The following EPB41L2 variants were observed in gnomAD, a reference collection of about 807,000 sequenced individuals.
EPB41L2 encodes the protein erythrocyte membrane protein band 4.1 like 2.
In EPB41L2, 43 loss-of-function variants were observed where a neutral mutation model predicts 113.0. The observed-to-expected ratio is 0.38, with a 90% confidence interval of 0.30 to 0.49. The LOEUF is 0.49. Among genes scored for constraint, EPB41L2 ranks in the 20% least tolerant of loss-of-function variants. The pLI is 0.95. For synonymous variants in EPB41L2, 442 were observed against 436.7 expected, an observed-to-expected ratio of 1.01 and a Z score of -0.15; for missense variants, 1,147 against 1,223.4, an observed-to-expected ratio of 0.94 and a Z score of 0.93.
chr6:131,055,365 A>G (rs1797395734), intron 1 of EPB41L2, among the ~76,000 whole-genome samples: 1 of 152,212 alleles, frequency 6.6e-6, no homozygotes, highest in Admixed American at 6.5e-5. Context: ...ATATTGAAAA[A>G]TCAGGCTAGA....
intron 6 of EPB41L2, 60 bp downstream of exon 6, chr6:130,904,405 G>C: frequency 8.3e-7 from 1 of 1,207,530 alleles, no homozygotes; most frequent in South Asian, 1.5e-5. Context: ...TGCTCCCAGG[G>C]CACAAAAATA....
chr6:130,878,189 C>T lies in EPB41L2; in HGVS notation c.1958G>A (p.Arg653His), dbSNP rs370238340. ...KHQASISELKRNFMESTPEPR... is the reference protein window; with the variant it reads ...KHQASISELKHNFMESTPEPR... The stretch of plus-strand genomic sequence containing the variant: ...CTCAGGTGTGGATTCCATAAAATTG[C>T]GCTTGAGTTCACTAATGCTAGCCTG... Residue 653 changes from arginine to histidine, a missense_variant, in exon 14 of 20, where the codon CGC (arginine) becomes CAC (histidine). Coordinates refer to ENST00000337057, the MANE Select transcript of EPB41L2 (RefSeq NM_001431.4). 4.7e-5 allele frequency: 76 copies of T among 1,613,070 alleles called. No homozygotes were observed. Among genetic ancestry groups the T allele is most frequent in the Middle Eastern group, 1.6e-4 (1 of 6,082 alleles).
chr6:130,986,005 A>AT (rs1780461076), intron 1 of EPB41L2, among the ~76,000 whole-genome samples: 1 of 152,186 alleles, frequency 6.6e-6, no homozygotes, highest in African/African-American at 2.4e-5. Context: ...GCCAAAAAAA[A>AT]CCACCACAAG....
chr6:130,953,665 A>G (rs931717264), intron 3 of EPB41L2, among the ~76,000 whole-genome samples: 1 of 131,990 alleles, frequency 7.6e-6, no homozygotes, highest in Non-Finnish European at 1.6e-5. Context: ...TTAAAGTATT[A>G]AAAAAAAAAC....
intron 3 of EPB41L2, among the ~76,000 whole-genome samples, chr6:130,929,857 T>TCACACACACACA (rs140350248): frequency 0.022 from 2,688 of 123,350 alleles, 65 homozygotes; most frequent in African/African-American, 0.04. Context: ...AGACAGACAG[T>TCACACACACACA]CACACACACA....
At chr6:130,880,256 G>C (rs1337230263) in intron 12 of EPB41L2, 50 bp from the exon 13 acceptor site, 2 of 1,319,732 alleles carry the variant, frequency 1.5e-6, no homozygotes, top group Non-Finnish European at 2.2e-6. Flanking sequence ...AAACATAAGT[G>C]TATCAATCAG....
intron 3 of EPB41L2, among the ~76,000 whole-genome samples, chr6:130,936,410 G>A (rs903015342): frequency 2.0e-5 from 3 of 152,136 alleles, no homozygotes; most frequent in South Asian, 4.1e-4. Context: ...CTAGGGATTG[G>A]TTTATTCAAA....
intron 19 of EPB41L2, among the ~76,000 whole-genome samples, chr6:130,856,917 T>C (rs1033308311): frequency 1.3e-5 from 2 of 152,186 alleles, no homozygotes; most frequent in Non-Finnish European, 2.9e-5. Context: ...CTAGCAAATA[T>C]AATACTCTGG....
At chr6:130,895,643 C>T (rs1794425013) in intron 8 of EPB41L2, among the ~76,000 whole-genome samples, 1 of 152,194 alleles carries the variant, frequency 6.6e-6, no homozygotes, top group Admixed American at 6.5e-5. Flanking sequence ...AATTTCTCTT[C>T]CAGGCTGACA....
chr6:130,845,483 T>C (rs1380451818), intron 19 of EPB41L2, among the ~76,000 whole-genome samples: 1 of 152,074 alleles, frequency 6.6e-6, no homozygotes, highest in South Asian at 2.1e-4. Flanking sequence ...ACTCAAGGGA[T>C]CCTCCTGCCT....
chr6:130,994,817 G>A (rs945330172), intron 1 of EPB41L2, among the ~76,000 whole-genome samples: 3 of 151,490 alleles, frequency 2.0e-5, no homozygotes, highest in Non-Finnish European at 2.9e-5. Context: ...TTAAAGTCAC[G>A]CCTCTGCTCA....
intron 18 of EPB41L2, among the ~76,000 whole-genome samples, chr6:130,862,334 C>T (rs1313777215): frequency 6.6e-6 from 1 of 152,074 alleles, no homozygotes; most frequent in African/African-American, 2.4e-5. Flanking sequence ...TGGGAGAAGA[C>T]CCTAGTTTGC....
intron 1 of EPB41L2, among the ~76,000 whole-genome samples, chr6:131,015,630 TAAAAC>T (rs761834433): frequency 6.6e-6 from 1 of 152,306 alleles, no homozygotes; most frequent in Non-Finnish European, 1.5e-5. Context: ...ACACTCATCT[TAAAAC>T]AAAACTGGAC....
chr6:130,917,206 C>T (rs1467066526), intron 4 of EPB41L2, among the ~76,000 whole-genome samples: 1 of 152,158 alleles, frequency 6.6e-6, no homozygotes, highest in Non-Finnish European at 1.5e-5. Flanking sequence ...CCATGCTTGA[C>T]CTGGATAACA....
Position 130,884,462 on chromosome 6 carries a change from G to A in EPB41L2, c.1833+634C>T, listed in dbSNP as rs554548791. Among the ~76,000 whole-genome samples the A allele has an allele frequency of 5.9e-5, 9 of 152,312 alleles. No individual in the cohort carries two copies. In the South Asian group the frequency reaches 1.7e-3, roughly 28 times the overall value. On this transcript the variant is annotated intron_variant, in intron 12 of 19. Coordinates refer to ENST00000337057, the MANE Select transcript of EPB41L2 (RefSeq NM_001431.4). ...TCGCTTTGTGCAGACACAGAAAAGA[G>A]ATCTGAAGAATTCAAAGGCTTCTCA...
At chr6:130,867,836 A>G (rs534057746) in intron 15 of EPB41L2, 1 of 406,670 alleles carries the variant, frequency 2.5e-6, no homozygotes, top group South Asian at 2.3e-5. Flanking sequence ...GTGTACATAC[A>G]CATATATGAA....
intron 6 of EPB41L2, among the ~76,000 whole-genome samples, chr6:130,903,152 T>G (rs1239429093): frequency 6.6e-6 from 1 of 152,138 alleles, no homozygotes; most frequent in Non-Finnish European, 1.5e-5. Context: ...AGGATTATCA[T>G]TCTCCAAACA....
At chr6:130,983,101 A>T (rs1412949750) in intron 1 of EPB41L2, among the ~76,000 whole-genome samples, 1 of 152,230 alleles carries the variant, frequency 6.6e-6, no homozygotes, top group African/African-American at 2.4e-5. Context: ...CACGGACTTT[A>T]CTATAATCAT....
intron 1 of EPB41L2, among the ~76,000 whole-genome samples, chr6:131,014,431 C>A (rs150728000): frequency 3.7e-4 from 57 of 152,274 alleles, no homozygotes; most frequent in African/African-American, 1.3e-3. Context: ...ATTTAGAACA[C>A]AAGGAAGTCC....
Sources: allele counts gnomAD v4.1 joint callset (sites outside exome capture counted in the v4.1 genomes callset), GRCh38; gene constraint gnomAD v4.1.1; transcripts MANE v1.5; gene names NCBI Gene and HGNC (gene_info 2026-07-23, HGNC 2026-07-21).